Variants in POLR2E observed in about 807,000 individuals in gnomAD.
POLR2E encodes the protein DNA-directed RNA polymerases I, II, and III subunit RPABC1.
In POLR2E, 35 loss-of-function variants were observed where a neutral mutation model predicts 29.8. The observed-to-expected ratio is 1.17, with a 90% CI of 0.90 to 1.55. The LOEUF is 1.55. Among genes scored for constraint, POLR2E ranks in the 40% most tolerant of loss-of-function variants. The pLI is 0.00. For synonymous variants in POLR2E, 174 were observed against 112.6 expected, an observed-to-expected ratio of 1.55 and a Z score of -3.45; for missense variants, 287 against 288.6, an observed-to-expected ratio of 0.99 and a Z score of 0.04.
At chr19:1,090,362 A>G (rs990914259) in intron 4 of POLR2E, among the ~76,000 whole-genome samples, 53 of 147,624 alleles carry the variant, frequency 3.6e-4, no homozygotes, top group African/African-American at 1.3e-3. Flanking sequence ...GGCTGGGCAC[A>G]GCCACCTCCT....
rs988452240 is a variant in POLR2E, at chr19:1,094,134, C to T, written c.58-56G>A. 5.9e-6 allele frequency: 9 copies of T among 1,533,862 alleles called. No individual in the cohort carries two copies. In the African/African-American group the frequency reaches 9.7e-5, roughly 16 times the overall value. On this transcript the variant is annotated intron_variant, in intron 1 of 7. Coordinates refer to ENST00000615234, the MANE Select transcript of POLR2E (RefSeq NM_002695.5). ...GGCAGAGAGAGGAAGGCGGCCAAAGCTCGTGACCCGGAAGTCAGACCTGCG... is the reference window on the plus strand; with the variant it reads ...GGCAGAGAGAGGAAGGCGGCCAAAGTTCGTGACCCGGAAGTCAGACCTGCG...
chr19:1,093,205 A>G (rs761063534), intron 2 of POLR2E, among the ~76,000 whole-genome samples: 1 of 152,144 alleles, frequency 6.6e-6, no homozygotes, highest in Non-Finnish European at 1.5e-5. Context: ...AAACAAAAAA[A>G]AAACAAAAAA....
At chr19:1,090,722 T>G (rs2043811387) in intron 4 of POLR2E, among the ~76,000 whole-genome samples, 186 bp downstream of exon 4, 1 of 151,976 alleles carries the variant, frequency 6.6e-6, no homozygotes, top group Non-Finnish European at 1.5e-5. Flanking sequence ...CCGGCCGGGA[T>G]CTGCATTTCT....
At chr19:1,095,169 G>A (rs34912475) in intron 1 of POLR2E, 90 bp downstream of exon 1, 73,680 of 1,344,588 alleles carry the variant, frequency 0.055, 2,221 homozygotes, top group Middle Eastern at 0.077. Context: ...CTGCTCCGAC[G>A]AGAGTACGAG....
chr19:1,091,875 C>CCTTGATGGT lies in POLR2E; in HGVS notation c.256_264dup (p.Thr86_Lys88dup), dbSNP rs1490871237. On this transcript the variant is annotated inframe_insertion, in exon 3 of 8. Transcript: ENST00000615234. Reference sequence around the variant, plus strand: ...TCCTCCTGCATGCGCTGGCAGTACACCTTGATGGTCTTGATGCCCACCTTG... The same window carrying CCTTGATGGT: ...TCCTCCTGCATGCGCTGGCAGTACACCTTGATGGTCTTGATGGTCTTGATGCCCACCTTG... 1.2e-6 allele frequency: 2 copies of CCTTGATGGT among 1,612,972 alleles called. No individual in the cohort carries two copies. Among genetic ancestry groups the CCTTGATGGT allele is most frequent in the South Asian group, 2.2e-5 (2 of 91,074 alleles).
chr19:1,091,761 G>A, intron 3 of POLR2E, 31 bp downstream of exon 3: 2 of 1,410,822 alleles, frequency 1.4e-6, no homozygotes, highest in Non-Finnish European at 2.0e-6. Flanking sequence ...GGGAGGGGGA[G>A]AGGCTGGCGG....
At chr19:1,093,198 C>T (rs1322136657) in intron 2 of POLR2E, among the ~76,000 whole-genome samples, 1 of 146,746 alleles carries the variant, frequency 6.8e-6, no homozygotes, top group Admixed American at 6.8e-5. Context: ...AAAACAAAAA[C>T]AAAAAAAAAA....
chr19:1,089,422 A>G, intron 7 of POLR2E, 50 bp downstream of exon 7: 1 of 1,251,476 alleles, frequency 8.0e-7, no homozygotes, highest in Admixed American at 1.7e-5. Context: ...GGAGGGGACG[A>G]CACCCCTGCC....
In POLR2E at chr19:1,086,719, G is replaced by T. The variant is rs900422974; in HGVS notation, c.*2016C>A. 1 of 152,316 alleles carries T rather than the reference G, an allele frequency of 6.6e-6. No homozygotes were observed. The highest frequency in any genetic ancestry group is 2.4e-5 in the African/African-American group (1 of 41,418). The allele number at this position is 152,316 out of a possible 1,614,324, so 9.4% of individuals were successfully genotyped here. ...CCAGGGAGGGGACAGAGAGAGCCCC[G>T]TGGCGTGGCCCTGGGCCTCCCCCTA... On this transcript the variant is annotated 3_prime_UTR_variant, in exon 8 of 8. Transcript: ENST00000615234.
intron 3 of POLR2E, 79 bp downstream of exon 3, chr19:1,091,713 G>A (rs895830701): frequency 2.9e-5 from 29 of 983,596 alleles, no homozygotes; most frequent in African/African-American, 1.9e-4. Flanking sequence ...CCCAAGGCAC[G>A]TGGGCCGCCT....
intron 2 of POLR2E, among the ~76,000 whole-genome samples, chr19:1,092,882 C>CA (rs35413641): frequency 0.18 from 11,947 of 67,802 alleles, 1,574 homozygotes; most frequent in East Asian, 0.4. Flanking sequence ...GACTCAGTCT[C>CA]AAAAAAAAAA....
Position 1,091,921 on chromosome 19 carries a change from G to A in POLR2E, c.233-14C>T, listed in dbSNP as rs1441852447. 2 of 1,578,174 alleles carry A rather than the reference G, an allele frequency of 1.3e-6. No individual in the cohort carries two copies. Among genetic ancestry groups the A allele is most frequent in the Non-Finnish European group, 1.7e-6 (2 of 1,149,226 alleles). On this transcript the variant is annotated splice_polypyrimidine_tract_variant and intron_variant, in intron 2 of 7. Transcript: ENST00000615234. Reference sequence around the variant, plus strand: ...CCTTGGGCTCCTCTGCAGACAGAGAGTGTGCTGGCCTGCACGAGCCTGGGC... The same window carrying A: ...CCTTGGGCTCCTCTGCAGACAGAGAATGTGCTGGCCTGCACGAGCCTGGGC...
intron 4 of POLR2E, among the ~76,000 whole-genome samples, 159 bp downstream of exon 4, chr19:1,090,749 C>T (rs1041864558): frequency 1.3e-5 from 2 of 152,066 alleles, no homozygotes; most frequent in Non-Finnish European, 2.9e-5. Flanking sequence ...CTCCCGGGTT[C>T]GGCTGCTGCA....
rs57575311 is a variant in POLR2E at position 1,089,577 on chromosome 19, C to T, written c.568-26G>A. The T allele has an allele frequency of 7.2e-3, 11,561 of 1,603,412 alleles. 740 individuals carry two copies. The African/African-American group carries it at 0.14, about 19-fold the overall frequency. ...CTGCAGAGACAGAGAGCAGGGGCTG[C>T]GAATGCTTGAGGGGTCTCACTGCAG... is the stretch of plus-strand genomic sequence containing the variant. On this transcript the variant is annotated intron_variant, in intron 6 of 7. Transcript: ENST00000615234.
rs967342267 is a variant in POLR2E, at chr19:1,089,488, A to G, written c.631T>C (p.Ter211GlnextTer7). ...CCGTCTCACCTGTCAGGCGGTAGCT[A>G]CTGCACCAGCCGGTAGGTGATGTAC... ...GRYITYRLVQ[*>Q] Residue 211 changes from the stop codon to glutamine (Q), a stop_lost, in exon 7 of 8, where the codon TAG becomes CAG. Transcript: ENST00000615234. The G allele has an allele frequency of 6.2e-7, 1 of 1,612,154 alleles. No individual in the cohort carries two copies. The highest frequency in any genetic ancestry group is 8.5e-7 in the Non-Finnish European group (1 of 1,178,706).
Position 1,087,198 on chromosome 19 carries a change from G to T in POLR2E, c.*1537C>A, listed in dbSNP as rs1482991029. The T allele has an allele frequency of 1.3e-5, 2 of 151,688 alleles. No individual in the cohort carries two copies. Among genetic ancestry groups the T allele is most frequent in the Non-Finnish European group, 2.9e-5 (2 of 67,960 alleles). 9.4% of individuals were successfully genotyped at this position (151,688 alleles called of 1,614,324 possible). ...TAGAGGTGGGGGGTTTCTCTGTGTT[G>T]CCCGGGCTGGTCTTTTAACTCCTGA... On this transcript the variant is annotated 3_prime_UTR_variant, in exon 8 of 8. Coordinates refer to ENST00000615234, the MANE Select transcript of POLR2E (RefSeq NM_002695.5).
chr19:1,094,003 C>G lies in POLR2E; in HGVS notation c.133G>C (p.Gly45Arg). ...QTLEEFKAQS[G>R]DKPSEGRPRR... Reference sequence around the variant, plus strand: ...GGCCGCCCCTCACTCGGCTTGTCCCCAGATTGGGCTTTGAACTCCTCCAGG... The same window carrying G: ...GGCCGCCCCTCACTCGGCTTGTCCCGAGATTGGGCTTTGAACTCCTCCAGG... Residue 45 changes from glycine to arginine, a missense_variant, in exon 2 of 8, where the codon GGG becomes CGG. Physicochemically the swap from Gly to Arg is moderately radical, Grantham distance 125 (BLOSUM62 -2). Transcript: ENST00000615234. 6.2e-7 allele frequency: 1 copy of G among 1,613,814 alleles called. No individual in the cohort carries two copies. Among genetic ancestry groups the G allele is most frequent in the Non-Finnish European group, 8.5e-7 (1 of 1,179,916 alleles).
rs943547575 is a variant in POLR2E, at chr19:1,087,969, T to C, written c.*766A>G. On this transcript the variant is annotated 3_prime_UTR_variant, in exon 8 of 8. Transcript: ENST00000615234. ...ACAGCTGCACAAGCCAGAGAACAACTCCACACCCTCACGGGAAGGGAAGAG... is the reference window on the plus strand; with the variant it reads ...ACAGCTGCACAAGCCAGAGAACAACCCCACACCCTCACGGGAAGGGAAGAG... 2.0e-5 allele frequency: 3 copies of C among 150,104 alleles called. No homozygotes were observed. Among genetic ancestry groups the C allele is most frequent in the Non-Finnish European group, 4.4e-5 (3 of 67,998 alleles). The allele number at this position is 150,104 out of a possible 1,614,324, so 9.3% of individuals were successfully genotyped here.
chr19:1,091,737 G>A (rs1324084604), intron 3 of POLR2E, 55 bp downstream of exon 3: 13 of 1,220,322 alleles, frequency 1.1e-5, no homozygotes, highest in Non-Finnish European at 1.3e-5. Flanking sequence ...GGTACTGCTT[G>A]CGGGAGGAGG....
Sources: gnomAD v4.1 joint callset for allele counts (sites outside exome capture counted in the v4.1 genomes callset) on GRCh38, gnomAD v4.1.1 for gene constraint, MANE v1.5 for transcripts, NCBI Gene and HGNC (gene_info 2026-07-23, HGNC 2026-07-21) for gene names.